Variants in ERC1 observed in about 807,000 individuals in gnomAD.
ERC1 encodes the protein RAB6 interacting protein 2.
Under a neutral mutation model 132.0 loss-of-function variants are expected in ERC1, and 56 were observed. That is an observed-to-expected ratio of 0.42 (90% confidence interval 0.34 to 0.53). ERC1 has a LOEUF of 0.53. ERC1 is among the 20% of genes least tolerant of loss of function. ERC1 has a pLI of 0.03. For missense variants in ERC1, 1,202 were observed against 1,349.9 expected (o/e 0.89, Z 1.72); for synonymous variants, 478 against 476.1 (o/e 1.00, Z -0.05).
At chr12:1,092,380 A>G (rs2887533) in intron 3 of ERC1, among the ~76,000 whole-genome samples, 82,713 of 152,192 alleles carry the variant, frequency 0.54, 23,800 homozygotes, top group East Asian at 0.75. Flanking sequence ...GTGTCATGTT[A>G]ACAGTCTATA....
intron 15 of ERC1, among the ~76,000 whole-genome samples, chr12:1,324,391 A>G (rs893575142): frequency 1.3e-5 from 2 of 152,198 alleles, no homozygotes; most frequent in Non-Finnish European, 2.9e-5. Flanking sequence ...TTGCTTTTTC[A>G]TAGAATTCAT....
intron 4 of ERC1, among the ~76,000 whole-genome samples, chr12:1,109,790 A>C (rs1945651360): frequency 6.6e-6 from 1 of 152,222 alleles, no homozygotes; most frequent in African/African-American, 2.4e-5. Context: ...GCTCACGCCC[A>C]TAAGCCCACC....
chr12:1,187,857 A>G (rs1203989243), intron 11 of ERC1, among the ~76,000 whole-genome samples: 2 of 152,206 alleles, frequency 1.3e-5, no homozygotes, highest in African/African-American at 2.4e-5. Flanking sequence ...AAGAAGATAG[A>G]CACTTAAAAA....
At chr12:1,410,906 G>A (rs554048786) in intron 17 of ERC1, among the ~76,000 whole-genome samples, 2 of 150,720 alleles carry the variant, frequency 1.3e-5, no homozygotes, top group South Asian at 4.2e-4. Context: ...TAAATACATG[G>A]TGTTTAAAAA....
chr12:1,245,097 T>C (rs2076078794), intron 13 of ERC1: 1 of 152,270 alleles, frequency 6.6e-6, no homozygotes, highest in Non-Finnish European at 1.5e-5. Flanking sequence ...TTTTTAACTC[T>C]GAAAAATAAA....
At chr12:1,017,986 T>C (rs1592720881) in intron 1 of ERC1, among the ~76,000 whole-genome samples, 1 of 152,228 alleles carries the variant, frequency 6.6e-6, no homozygotes, top group East Asian at 1.9e-4. Flanking sequence ...ATTTTTAATT[T>C]CTTTCTTAGA....
chr12:1,441,125 C>A (rs1331096461), intron 17 of ERC1, among the ~76,000 whole-genome samples: 2 of 151,728 alleles, frequency 1.3e-5, no homozygotes, highest in East Asian at 3.9e-4. Flanking sequence ...ATGGTGCGAT[C>A]TCGGCTCACT....
chr12:1,049,374 C>T (rs1160094614), intron 2 of ERC1, among the ~76,000 whole-genome samples: 3 of 152,180 alleles, frequency 2.0e-5, no homozygotes, highest in South Asian at 2.1e-4. Flanking sequence ...TCAACCTTGG[C>T]TGCATATTGG....
chr12:1,416,460 G>A (rs1430898308), intron 17 of ERC1, among the ~76,000 whole-genome samples: 1 of 152,214 alleles, frequency 6.6e-6, no homozygotes, highest in Non-Finnish European at 1.5e-5. Flanking sequence ...GAGGGTGTCT[G>A]TCCTTCCATT....
At chr12:1,439,821 C>G (rs1242691112) in intron 17 of ERC1, among the ~76,000 whole-genome samples, 2 of 152,180 alleles carry the variant, frequency 1.3e-5, no homozygotes, top group Non-Finnish European at 2.9e-5. Flanking sequence ...CCTCTTCCCT[C>G]TTGAGATTAG....
chr12:1,122,529 ATC>A lies in ERC1; in HGVS notation c.1569+6500_1569+6501del, dbSNP rs1245809122. The stretch of plus-strand genomic sequence containing the variant: ...TATCTCTATCTGTGTCTCTATCTCT[ATC>A]TCTATCTCTATCTGTGTCTCTATCT... On this transcript the variant is annotated intron_variant, in intron 7 of 18. Coordinates refer to ENST00000360905, the MANE Select transcript of ERC1 (RefSeq NM_178040.4). 9.9e-5 allele frequency among the ~76,000 whole-genome samples: 4 copies of A among 40,224 alleles called. 1 individual carries two copies. The highest frequency in any genetic ancestry group is 1.9e-4 in the African/African-American group (2 of 10,396). The allele number at this position is 40,224 out of a possible 152,430, so 26.4% of individuals were successfully genotyped here.
chr12:1,372,185 T>C (rs1301229681), intron 16 of ERC1, among the ~76,000 whole-genome samples: 1 of 152,216 alleles, frequency 6.6e-6, no homozygotes, highest in Non-Finnish European at 1.5e-5. Flanking sequence ...AGGGCTGTTT[T>C]GGACAATGTC....
chr12:1,099,734 C>G (rs1944439306), intron 3 of ERC1, among the ~76,000 whole-genome samples: 1 of 149,376 alleles, frequency 6.7e-6, no homozygotes, highest in Admixed American at 6.7e-5. Flanking sequence ...TTATAAATAC[C>G]AAGAAAAAAG....
At chr12:1,185,328 C>T (rs1372642484) in intron 11 of ERC1, among the ~76,000 whole-genome samples, 5 of 152,098 alleles carry the variant, frequency 3.3e-5, no homozygotes, top group Non-Finnish European at 5.9e-5. Flanking sequence ...CCACTATGCT[C>T]AGCCTTGAGT....
intron 11 of ERC1, among the ~76,000 whole-genome samples, chr12:1,188,308 C>G (rs1955338146): frequency 6.6e-6 from 1 of 152,130 alleles, no homozygotes; most frequent in South Asian, 2.1e-4. Context: ...GATCAGCTTT[C>G]TATTGAAATA....
chr12:1,343,464 C>T (rs1409764685), intron 15 of ERC1, among the ~76,000 whole-genome samples: 1 of 152,154 alleles, frequency 6.6e-6, no homozygotes, highest in African/African-American at 2.4e-5. Flanking sequence ...TTCCTATGAG[C>T]TGCACCAGGA....
intron 4 of ERC1, among the ~76,000 whole-genome samples, chr12:1,108,947 T>A (rs565418016): frequency 1.3e-5 from 2 of 152,312 alleles, no homozygotes; most frequent in African/African-American, 4.8e-5. Context: ...GGAGACTTAA[T>A]CAAGAAATTA....
intron 13 of ERC1, among the ~76,000 whole-genome samples, chr12:1,249,774 A>G (rs896900280): frequency 1.3e-5 from 2 of 152,196 alleles, no homozygotes; most frequent in African/African-American, 4.8e-5. Context: ...CTGTGCCTGG[A>G]AAGTCCAAGA....
chr12:1,131,964 GT>G (rs1485348518), intron 7 of ERC1, among the ~76,000 whole-genome samples: 1 of 152,172 alleles, frequency 6.6e-6, no homozygotes, highest in Non-Finnish European at 1.5e-5. Flanking sequence ...AATAAACAAG[GT>G]TTTATTCCTC....
Sources: gnomAD v4.1 joint callset for allele counts (sites outside exome capture counted in the v4.1 genomes callset) on GRCh38, gnomAD v4.1.1 for gene constraint, MANE v1.5 for transcripts, NCBI Gene and HGNC (gene_info 2026-07-23, HGNC 2026-07-21) for gene names.